KSR1: variants seen among roughly 807,000 people sequenced by gnomAD.
KSR1 encodes kinase suppressor of ras 1.
A neutral mutation model predicts 92.9 loss-of-function variants in KSR1; 35 were observed. The ratio of observed to expected loss-of-function variants is 0.38; its 90% CI spans 0.29 to 0.50. The LOEUF is 0.50. KSR1 is among the 20% of genes least tolerant of loss of function. The pLI, the probability that KSR1 is intolerant of heterozygous loss-of-function variation, is 0.94. For synonymous variants in KSR1, 467 were observed against 472.6 expected (o/e 0.99, Z 0.15); for missense variants, 972 against 1,158.5 (o/e 0.84, Z 2.34).
chr17:27,585,582 C>T, intron 4 of KSR1, 75 bp from the exon 5 acceptor site: 1 of 725,854 alleles, frequency 1.4e-6, no homozygotes. Flanking sequence ...TGCTCCCGCC[C>T]AAGGGTAGTG....
At position 27,459,303 on chromosome 17, in the gene KSR1, G is replaced by A. The variant is rs1048096231; in HGVS notation, c.231+2429G>A. On this transcript the variant is annotated intron_variant, in intron 1 of 20. Coordinates refer to ENST00000644974, the MANE Select transcript of KSR1 (RefSeq NM_001394583.1). The surrounding 1 kb of genome is among the most constrained non-coding windows in gnomAD (Gnocchi z 4.6). ...AGCTGCCCCTAGTGAGGGTCCAGTAGCATTTATGGCACAGGCCACCACTAG... is the reference window on the plus strand; with the variant it reads ...AGCTGCCCCTAGTGAGGGTCCAGTAACATTTATGGCACAGGCCACCACTAG... 1.2e-4 allele frequency among the ~76,000 whole-genome samples: 19 copies of A among 152,248 alleles called. No homozygotes were observed. The highest frequency in any genetic ancestry group is 2.4e-4 in the Non-Finnish European group (16 of 68,036).
At chr17:27,593,878 A>G (rs920621929) in intron 9 of KSR1, among the ~76,000 whole-genome samples, 6 of 152,194 alleles carry the variant, frequency 3.9e-5, no homozygotes, top group African/African-American at 1.2e-4. Flanking sequence ...CCACCTTCTC[A>G]CAGATGTCAC....
At chr17:27,477,390 C>T (rs904556877) in intron 1 of KSR1, among the ~76,000 whole-genome samples, 2 of 152,184 alleles carry the variant, frequency 1.3e-5, no homozygotes, top group African/African-American at 2.4e-5. Flanking sequence ...GCCCTGGAAA[C>T]ACCAGAGTTT....
At chr17:27,580,557 G>A (rs769995308) in intron 3 of KSR1, among the ~76,000 whole-genome samples, 10 of 152,270 alleles carry the variant, frequency 6.6e-5, no homozygotes, top group Non-Finnish European at 1.3e-4. Flanking sequence ...ATTGTCGGGG[G>A]CAAGGTGGGG....
At chr17:27,537,058 C>A (rs1158083721) in intron 1 of KSR1, among the ~76,000 whole-genome samples, 4 of 152,216 alleles carry the variant, frequency 2.6e-5, no homozygotes, top group Non-Finnish European at 5.9e-5. Context: ...GGGGCTCCCC[C>A]ACCTATTCTT....
Position 27,569,202 on chromosome 17 carries a change from C to A in KSR1, c.373-8290C>A, listed in dbSNP as rs1598047778. On this transcript the variant is annotated intron_variant, in intron 2 of 20. Transcript: ENST00000644974. ...CAAAACATCCTGGGAGTAGGGAAACCCACTCTGTAGAAGCCTTCCCATCTC... is the reference window on the plus strand; with the variant it reads ...CAAAACATCCTGGGAGTAGGGAAACACACTCTGTAGAAGCCTTCCCATCTC... Among the ~76,000 whole-genome samples the A allele has an allele frequency of 2.0e-5, 3 of 152,144 alleles. No homozygotes were observed. In the East Asian group the frequency reaches 5.8e-4, roughly 29 times the overall value.
At position 27,498,370 on chromosome 17, in the gene KSR1, AC is replaced by A. The variant is rs539706228; in HGVS notation, c.231+41498del. On this transcript the variant is annotated intron_variant, in intron 1 of 20. Transcript: ENST00000644974. ...AAAAAAAAAAAAAGGCTCTTGACCA[AC>A]CAACTCTACTTACACACAACTTGAT... 2.2e-3 allele frequency among the ~76,000 whole-genome samples: 329 copies of A among 152,028 alleles called. 1 individual carries two copies. The highest frequency in any genetic ancestry group is 7.6e-3 in the African/African-American group (314 of 41,460).
chr17:27,593,882 A>T (rs1166766645), intron 9 of KSR1, among the ~76,000 whole-genome samples: 3 of 152,198 alleles, frequency 2.0e-5, no homozygotes, highest in African/African-American at 7.2e-5. Context: ...CTTCTCACAG[A>T]TGTCACTCGT....
chr17:27,563,234 T>A (rs1002048549), intron 2 of KSR1, among the ~76,000 whole-genome samples: 10 of 152,180 alleles, frequency 6.6e-5, no homozygotes, highest in Non-Finnish European at 1.0e-4. Context: ...GTTACTTTCT[T>A]ACTTTCTCTT....
At chr17:27,539,129 C>T (rs1031757313) in intron 1 of KSR1, among the ~76,000 whole-genome samples, 1 of 152,192 alleles carries the variant, frequency 6.6e-6, no homozygotes, top group African/African-American at 2.4e-5. Flanking sequence ...TTTCACTAGG[C>T]CCCTGCTTGG....
chr17:27,525,931 T>G, intron 1 of KSR1, among the ~76,000 whole-genome samples: 1 of 152,186 alleles, frequency 6.6e-6, no homozygotes. Context: ...TTGGAACAGT[T>G]TGCGTGGAAG....
At chr17:27,609,090 C>G in intron 15 of KSR1, 106 bp from the exon 16 acceptor site, 1 of 1,296,472 alleles carries the variant, frequency 7.7e-7, no homozygotes, top group Non-Finnish European at 1.1e-6. Flanking sequence ...CAATATACTG[C>G]ATGGAATTGT....
intron 1 of KSR1, among the ~76,000 whole-genome samples, chr17:27,469,167 T>C (rs967250478): frequency 6.6e-6 from 1 of 152,188 alleles, no homozygotes; most frequent in African/African-American, 2.4e-5. Flanking sequence ...TGTAAAAGTC[T>C]TCCTTGCCCT....
intron 11 of KSR1, among the ~76,000 whole-genome samples, chr17:27,603,535 C>G (rs900822162): frequency 3.3e-5 from 5 of 152,186 alleles, no homozygotes; most frequent in African/African-American, 1.2e-4. Flanking sequence ...GCCACAGGGG[C>G]GTGGTGGTAA....
At chr17:27,531,342 A>G (rs893028420) in intron 1 of KSR1, among the ~76,000 whole-genome samples, 1 of 152,248 alleles carries the variant, frequency 6.6e-6, no homozygotes, top group Non-Finnish European at 1.5e-5. Context: ...TCACAGGCCC[A>G]GGGTTACAGA....
intron 1 of KSR1, among the ~76,000 whole-genome samples, chr17:27,524,498 C>G (rs2070171013): frequency 1.3e-5 from 2 of 152,180 alleles, no homozygotes; most frequent in Non-Finnish European, 2.9e-5. Context: ...GCTAGATCTC[C>G]CCTCCCCATC....
At chr17:27,468,476 A>T (rs919203227) in intron 1 of KSR1, among the ~76,000 whole-genome samples, 1 of 147,220 alleles carries the variant, frequency 6.8e-6, no homozygotes, top group Non-Finnish European at 1.5e-5. Flanking sequence ...CAATTTACCC[A>T]CTTTGGCCTC....
rs531420018 is a variant in KSR1, at chr17:27,608,296, G to T, written c.2091+286G>T. Among the ~76,000 whole-genome samples, 4 of 152,328 alleles carry T rather than the reference G, an allele frequency of 2.6e-5. No individual in the cohort carries two copies. In the East Asian group the frequency reaches 5.8e-4, roughly 22 times the overall value. On this transcript the variant is annotated intron_variant, in intron 15 of 20. Coordinates refer to ENST00000644974, the MANE Select transcript of KSR1 (RefSeq NM_001394583.1). ...AGTTTCAATCCTGGTCACACCCTTT[G>T]TGTGACCTTGGGTAGGTTTAGCCTC...
At chr17:27,594,343 C>T (rs975895544) in intron 9 of KSR1, among the ~76,000 whole-genome samples, 3 of 152,056 alleles carry the variant, frequency 2.0e-5, no homozygotes, top group Non-Finnish European at 4.4e-5. Flanking sequence ...TGCCCCCTGC[C>T]CCCATTGCCA....
Sources: allele counts gnomAD v4.1 joint callset (sites outside exome capture counted in the v4.1 genomes callset), GRCh38; gene constraint gnomAD v4.1.1; non-coding constraint Gnocchi (gnomAD v3.1); transcripts MANE v1.5; gene names NCBI Gene and HGNC (gene_info 2026-07-23, HGNC 2026-07-21).